MAF: variants seen among roughly 807,000 people sequenced by gnomAD.
The protein encoded by MAF is MAF bZIP transcription factor.
In MAF, 10 loss-of-function variants were observed where a neutral mutation model predicts 22.0. The observed-to-expected ratio is 0.45, with a 90% CI of 0.28 to 0.77. The LOEUF (loss-of-function observed/expected upper bound fraction) is 0.77, where lower values mean the gene tolerates loss of function less well. Among genes scored for constraint, MAF ranks in the 30% least tolerant of loss-of-function variants. The probability of loss-of-function intolerance (pLI) is 0.12; values close to 1 mark genes in which losing one functional copy is unlikely to be tolerated. For synonymous variants in MAF, 337 were observed against 255.8 expected (o/e 1.32, Z -3.03); for missense variants, 544 against 548.4 (o/e 0.99, Z 0.08).
chr16:79,557,532 C>T, the MAF span, among the ~76,000 whole-genome samples: 1 of 152,052 alleles, frequency 6.6e-6, no homozygotes, highest in African/African-American at 2.4e-5. Flanking sequence ...TACTTCAGCC[C>T]TGCCGTTTAC....
intron 1 of MAF, chr16:79,594,771 G>A: frequency 7.5e-7 from 1 of 1,341,770 alleles, no homozygotes; most frequent in Non-Finnish European, 9.6e-7. Context: ...TTCAGTAATT[G>A]TTATTTCTAA....
the MAF span, among the ~76,000 whole-genome samples, chr16:79,336,628 G>C: frequency 2.6e-5 from 4 of 152,130 alleles, no homozygotes; most frequent in Admixed American, 1.3e-4. Context: ...GTTTGGTTAA[G>C]AAGGGACAAC....
At chr16:79,497,988 C>A in the MAF span, among the ~76,000 whole-genome samples, 1 of 152,198 alleles carries the variant, frequency 6.6e-6, no homozygotes, top group African/African-American at 2.4e-5. Context: ...ACAAGATATG[C>A]ACAGAGACTA....
At chr16:79,305,300 A>G in the MAF span, among the ~76,000 whole-genome samples, 2 of 152,266 alleles carry the variant, frequency 1.3e-5, no homozygotes, top group South Asian at 4.1e-4. Context: ...GAGCATATCC[A>G]CTACCGACCC....
At chr16:79,548,387 G>C in the MAF span, among the ~76,000 whole-genome samples, 2 of 151,950 alleles carry the variant, frequency 1.3e-5, no homozygotes, top group African/African-American at 4.8e-5. Flanking sequence ...ATTGTGTAAT[G>C]AATTACTCAT....
At chr16:79,488,804 G>A in the MAF span, among the ~76,000 whole-genome samples, 1 of 152,130 alleles carries the variant, frequency 6.6e-6, no homozygotes, top group East Asian at 1.9e-4. Flanking sequence ...CCTTCCGGGA[G>A]CATATCATGA....
chr16:79,507,421 A>C, the MAF span, among the ~76,000 whole-genome samples: 4 of 129,342 alleles, frequency 3.1e-5, no homozygotes, highest in African/African-American at 1.2e-4. Context: ...CAGCCCTTGC[A>C]TCTTACTTTT....
chr16:79,491,904 C>A, the MAF span, among the ~76,000 whole-genome samples: 1 of 152,176 alleles, frequency 6.6e-6, no homozygotes, highest in African/African-American at 2.4e-5. Flanking sequence ...TGCAGCCCCT[C>A]TGCCCAGCCA....
At chr16:79,249,799 C>T in the MAF span, among the ~76,000 whole-genome samples, 2 of 151,746 alleles carry the variant, frequency 1.3e-5, no homozygotes, top group African/African-American at 4.8e-5. Flanking sequence ...AGCTAATTTA[C>T]AACTTGCAAT....
At chr16:79,314,078 C>T in the MAF span, among the ~76,000 whole-genome samples, 1 of 152,200 alleles carries the variant, frequency 6.6e-6, no homozygotes, top group African/African-American at 2.4e-5. Flanking sequence ...CACATTTTAA[C>T]ATTCCTAAAA....
At chr16:79,361,680 G>GT in the MAF span, among the ~76,000 whole-genome samples, 38 of 150,568 alleles carry the variant, frequency 2.5e-4, 1 homozygote, top group South Asian at 3.6e-3. Context: ...CGAAAGATTG[G>GT]TTTTTTTTTC....
chr16:79,294,021 C>A, the MAF span, among the ~76,000 whole-genome samples: 11 of 152,264 alleles, frequency 7.2e-5, no homozygotes, highest in South Asian at 2.3e-3. Context: ...TAAGATACCA[C>A]GATTGTGCAA....
the MAF span, among the ~76,000 whole-genome samples, chr16:79,484,254 T>G: frequency 6.6e-6 from 1 of 152,188 alleles, no homozygotes; most frequent in Non-Finnish European, 1.5e-5. Flanking sequence ...CCCTCCGTCT[T>G]CTTAGTCAAC....
At chr16:79,387,242 A>G in the MAF span, among the ~76,000 whole-genome samples, 1 of 152,218 alleles carries the variant, frequency 6.6e-6, no homozygotes, top group African/African-American at 2.4e-5. Flanking sequence ...GCTGCTAAGC[A>G]TTTGCATTTG....
Position 79,600,576 on chromosome 16 carries a change from G to A in MAF, c.-674C>T, listed in dbSNP as rs888680257. On this transcript the variant is annotated 5_prime_UTR_variant, in exon 1 of 2. Transcript: ENST00000326043. ...AGCCCGACTGGAGGAGAGGGAGGGG[G>A]GAGTTTAGTTCTTTCTTGCCTTTTT... is the stretch of plus-strand genomic sequence containing the variant. 1 of 196,320 alleles carries A rather than the reference G, an allele frequency of 5.1e-6. No individual in the cohort carries two copies. 12.2% of individuals were successfully genotyped at this position (196,320 alleles called of 1,614,324 possible). A position where few individuals can be genotyped will look rare whatever the true frequency, so the allele number is the denominator to read the frequency against.
At chr16:79,390,153 G>T in the MAF span, among the ~76,000 whole-genome samples, 1 of 152,004 alleles carries the variant, frequency 6.6e-6, no homozygotes. Context: ...GGGTAACATC[G>T]TGGGAGCTGA....
At chr16:79,507,963 G>C in the MAF span, among the ~76,000 whole-genome samples, 3 of 152,112 alleles carry the variant, frequency 2.0e-5, no homozygotes. Context: ...GTGGGGGAAA[G>C]GGCCTATTTG....
the MAF span, among the ~76,000 whole-genome samples, chr16:79,575,290 G>T: frequency 6.6e-6 from 1 of 152,078 alleles, no homozygotes; most frequent in African/African-American, 2.4e-5. Flanking sequence ...AGAAAAGCAG[G>T]CAGCTGACCA....
At chr16:79,592,019 T>A (rs955707777), downstream of MAF, among the ~76,000 whole-genome samples, 1 of 152,242 alleles carries the variant, frequency 6.6e-6, no homozygotes, top group African/African-American at 2.4e-5. Context: ...ACATGCACAC[T>A]AGGTCTGACG....
Sources: gnomAD v4.1 joint callset for allele counts (sites outside exome capture counted in the v4.1 genomes callset) on GRCh38, gnomAD v4.1.1 for gene constraint, MANE v1.5 for transcripts, NCBI Gene and HGNC (gene_info 2026-07-23, HGNC 2026-07-21) for gene names.